Variants in EXT1 observed in about 807,000 individuals in gnomAD.
The protein encoded by EXT1 is exostosin glycosyltransferase 1.
Under a neutral mutation model 82.5 loss-of-function variants are expected in EXT1, and 20 were observed. The observed-to-expected ratio is 0.24, with a 90% CI of 0.17 to 0.35. EXT1 has a LOEUF of 0.35. Among genes scored for constraint, EXT1 ranks in the 10% least tolerant of loss-of-function variants. The pLI, the probability that EXT1 is intolerant of heterozygous loss-of-function variation, is 1.00. For synonymous variants in EXT1, 348 were observed against 350.8 expected (o/e 0.99, Z 0.09); for missense variants, 757 against 936.5 (o/e 0.81, Z 2.50).
At chr8:118,024,648 A>C (rs1422563632) in intron 1 of EXT1, among the ~76,000 whole-genome samples, 1 of 152,260 alleles carries the variant, frequency 6.6e-6, no homozygotes, top group Non-Finnish European at 1.5e-5. Context: ...AAATGCCCTA[A>C]ATGAACAGTC....
At chr8:118,107,612 G>C (rs1441610858) in intron 1 of EXT1, among the ~76,000 whole-genome samples, 1 of 152,188 alleles carries the variant, frequency 6.6e-6, no homozygotes, top group Non-Finnish European at 1.5e-5. Context: ...AAGTAGCACA[G>C]TAGTTGCTCT....
At chr8:118,079,061 G>A (rs376847271) in intron 1 of EXT1, among the ~76,000 whole-genome samples, 11 of 152,054 alleles carry the variant, frequency 7.2e-5, no homozygotes, top group South Asian at 2.1e-4. Context: ...CTAAAAATAC[G>A]TCCCTCATAG....
intron 1 of EXT1, among the ~76,000 whole-genome samples, chr8:117,838,409 G>A (rs535844820): frequency 1.3e-5 from 2 of 152,164 alleles, no homozygotes; most frequent in Non-Finnish European, 2.9e-5. Flanking sequence ...GCATACGGGA[G>A]TAAGCCAATT....
At position 118,085,758 on chromosome 8, in the gene EXT1, AT is replaced by A. The variant is rs564147496; in HGVS notation, c.962+24326del. 6.6e-5 allele frequency among the ~76,000 whole-genome samples: 10 copies of A among 152,262 alleles called. No individual in the cohort carries two copies. The South Asian group carries it at 2.1e-3, about 32-fold the overall frequency. ...AAGCAGTGTTTTTACTGAAATAAAA[AT>A]GTACCTGTTTTGTTGCAGAGCCTTG... is the stretch of plus-strand genomic sequence containing the variant. On this transcript the variant is annotated intron_variant, in intron 1 of 10. Coordinates refer to ENST00000378204, the MANE Select transcript of EXT1 (RefSeq NM_000127.3).
At chr8:117,996,746 T>C (rs568803820) in intron 1 of EXT1, among the ~76,000 whole-genome samples, 1 of 152,220 alleles carries the variant, frequency 6.6e-6, no homozygotes, top group South Asian at 2.1e-4. Context: ...TAAAGCAGGA[T>C]TGGAAAGGGG....
At chr8:117,904,184 G>T (rs545578990) in intron 1 of EXT1, among the ~76,000 whole-genome samples, 1 of 152,266 alleles carries the variant, frequency 6.6e-6, no homozygotes, top group Non-Finnish European at 1.5e-5. Flanking sequence ...TCTCAAATAT[G>T]AAACTTTGTC....
chr8:117,919,359 T>C (rs2130009049), intron 1 of EXT1, among the ~76,000 whole-genome samples: 1 of 151,754 alleles, frequency 6.6e-6, no homozygotes, highest in South Asian at 2.1e-4. Flanking sequence ...GCTATTTTTG[T>C]TGTTGTTTTT....
intron 1 of EXT1, among the ~76,000 whole-genome samples, chr8:118,005,144 G>A (rs1401670427): frequency 6.6e-6 from 1 of 152,122 alleles, no homozygotes; most frequent in African/African-American, 2.4e-5. Flanking sequence ...TTTGACAGCT[G>A]GGGTTTTTCA....
At chr8:117,816,473 C>G (rs1478696102) in intron 7 of EXT1, among the ~76,000 whole-genome samples, 1 of 152,130 alleles carries the variant, frequency 6.6e-6, no homozygotes, top group African/African-American at 2.4e-5. Flanking sequence ...ACGCTTCACT[C>G]TGAGGTGCAA....
At chr8:117,843,658 C>T (rs1425574048) in intron 1 of EXT1, among the ~76,000 whole-genome samples, 1 of 152,136 alleles carries the variant, frequency 6.6e-6, no homozygotes, top group Non-Finnish European at 1.5e-5. Context: ...TGATCCCTTG[C>T]AGGTGACTGG....
intron 1 of EXT1, among the ~76,000 whole-genome samples, chr8:118,093,731 C>T (rs974364878): frequency 2.0e-5 from 3 of 152,280 alleles, no homozygotes; most frequent in South Asian, 2.1e-4. Flanking sequence ...AACTTAAGTT[C>T]CAATATGTCT....
At chr8:117,920,979 C>T (rs778467628) in intron 1 of EXT1, among the ~76,000 whole-genome samples, 13 of 152,204 alleles carry the variant, frequency 8.5e-5, no homozygotes, top group Non-Finnish European at 1.6e-4. Flanking sequence ...ACAGGATGTA[C>T]ATTTGGAACA....
intron 1 of EXT1, among the ~76,000 whole-genome samples, chr8:117,986,211 A>G (rs1193506141): frequency 8.7e-6 from 1 of 114,504 alleles, no homozygotes; most frequent in Non-Finnish European, 1.8e-5. Context: ...TTTTTTTGAG[A>G]CGAAGTCTCG....
At chr8:118,102,726 G>A (rs1817740826) in intron 1 of EXT1, among the ~76,000 whole-genome samples, 1 of 152,150 alleles carries the variant, frequency 6.6e-6, no homozygotes, top group South Asian at 2.1e-4. Context: ...CTACATCAAA[G>A]TTTACCAATA....
At chr8:118,053,002 A>G (rs1036640898) in intron 1 of EXT1, among the ~76,000 whole-genome samples, 19 of 152,174 alleles carry the variant, frequency 1.2e-4, no homozygotes, top group African/African-American at 4.3e-4. Context: ...TGACCTTGAT[A>G]AGCCAATGCA....
chr8:117,973,059 T>C (rs1814973917), intron 1 of EXT1, among the ~76,000 whole-genome samples: 1 of 152,216 alleles, frequency 6.6e-6, no homozygotes, highest in Admixed American at 6.5e-5. Flanking sequence ...TAAGCCTGAA[T>C]GATAATTTTC....
At chr8:117,817,635 T>C (rs532064151) in intron 7 of EXT1, among the ~76,000 whole-genome samples, 51 of 151,260 alleles carry the variant, frequency 3.4e-4, no homozygotes, top group African/African-American at 1.2e-3. Context: ...AGATGATGAG[T>C]TGAGGGGTGG....
chr8:117,941,130 C>A (rs1814264383), intron 1 of EXT1, among the ~76,000 whole-genome samples: 1 of 152,156 alleles, frequency 6.6e-6, no homozygotes, highest in Non-Finnish European at 1.5e-5. Context: ...CATGAGAAAC[C>A]CCGTCTCGGG....
chr8:118,031,830 T>C (rs1816324822), intron 1 of EXT1, among the ~76,000 whole-genome samples: 1 of 152,084 alleles, frequency 6.6e-6, no homozygotes, highest in South Asian at 2.1e-4. Flanking sequence ...AGTGGTGTAC[T>C]GAAGATAACT....
Sources: allele counts gnomAD v4.1 joint callset (sites outside exome capture counted in the v4.1 genomes callset), GRCh38; gene constraint gnomAD v4.1.1; transcripts MANE v1.5; gene names NCBI Gene and HGNC (gene_info 2026-07-23, HGNC 2026-07-21).